The following TRDMT1 variants were observed in gnomAD, a reference collection of about 807,000 sequenced individuals.
The protein encoded by TRDMT1 is tRNA (cytosine(38)-C(5))-methyltransferase.
Under a neutral mutation model 51.2 loss-of-function variants are expected in TRDMT1, and 49 were observed. The observed-to-expected ratio is 0.96, with a 90% CI of 0.76 to 1.21. TRDMT1 has a LOEUF of 1.21. TRDMT1 is among the 50% of genes most tolerant of loss of function. The probability of loss-of-function intolerance (pLI) is 0.00; values close to 1 mark genes in which losing one functional copy is unlikely to be tolerated. For missense variants in TRDMT1, 534 were observed against 462.3 expected (o/e 1.16, Z -1.42); for synonymous variants, 187 against 164.6 (o/e 1.14, Z -1.04).
Position 17,147,408 on chromosome 10 carries a change from G to T in TRDMT1, c.*1632C>A, listed in dbSNP as rs1328016475. 1 of 902,974 alleles carries T rather than the reference G, an allele frequency of 1.1e-6. No homozygotes were observed. Among genetic ancestry groups the T allele is most frequent in the Non-Finnish European group, 1.3e-6 (1 of 754,996 alleles). 55.9% of individuals were successfully genotyped at this position (902,974 alleles called of 1,614,324 possible). On this transcript the variant is annotated 3_prime_UTR_variant, in exon 11 of 11. Transcript: ENST00000377799. The stretch of plus-strand genomic sequence containing the variant: ...TCAATTGCAGTAAAATATACATAAT[G>T]TAAAATTTATCATTTTAACTATTTT...
rs1347410159 is a variant in TRDMT1, at chr10:17,144,548, T to C, written c.*4492A>G. 7 of 985,654 alleles carry C rather than the reference T, an allele frequency of 7.1e-6. No homozygotes were observed. The highest frequency in any genetic ancestry group is 8.4e-6 in the Non-Finnish European group (7 of 829,938). 61.1% of individuals were successfully genotyped at this position (985,654 alleles called of 1,614,324 possible). A position where few individuals can be genotyped will look rare whatever the true frequency, so the allele number is the denominator to read the frequency against. ...AGTAAGTGCTGGATGTGGCTGAAAG[T>C]AAGACTCAGAATCTATGGTAAATAT... On this transcript the variant is annotated 3_prime_UTR_variant, in exon 11 of 11. Transcript: ENST00000377799.
chr10:17,155,003 T>A lies in TRDMT1; in HGVS notation c.888-269A>T, dbSNP rs2131392248. Among the ~76,000 whole-genome samples, 3 of 122,442 alleles carry A rather than the reference T, an allele frequency of 2.5e-5. No individual in the cohort carries two copies. The South Asian group carries it at 7.3e-4, about 30-fold the overall frequency. 80.3% of individuals were successfully genotyped at this position (122,442 alleles called of 152,430 possible). On this transcript the variant is annotated intron_variant, in intron 8 of 10. Coordinates refer to ENST00000377799, the MANE Select transcript of TRDMT1 (RefSeq NM_004412.7). ...GGGAGGCCCAGGCGGGTGGATCACC[T>A]GAGGTCAGAGGAGTTCGAGGTCAGC... is the stretch of plus-strand genomic sequence containing the variant.
chr10:17,201,468 A>C, intron 1 of TRDMT1, 103 bp downstream of exon 1: 1 of 1,273,468 alleles, frequency 7.9e-7, no homozygotes, highest in South Asian at 1.3e-5. Flanking sequence ...TCCGCCCCAC[A>C]GTGTCCGCCC....
chr10:17,195,205 G>A (rs867577962), intron 1 of TRDMT1, among the ~76,000 whole-genome samples: 10 of 152,128 alleles, frequency 6.6e-5, no homozygotes, highest in South Asian at 6.2e-4. Context: ...TAGCAAAGAC[G>A]TGCCCATCAA....
chr10:17,172,729 T>C (rs553900575), intron 2 of TRDMT1, among the ~76,000 whole-genome samples: 31 of 152,298 alleles, frequency 2.0e-4, no homozygotes, highest in Non-Finnish European at 3.8e-4. Context: ...AAAGACTTTG[T>C]GCTTTTTAAA....
At chr10:17,193,365 G>A (rs1310986476) in intron 1 of TRDMT1, among the ~76,000 whole-genome samples, 3 of 151,922 alleles carry the variant, frequency 2.0e-5, no homozygotes, top group Non-Finnish European at 2.9e-5. Context: ...GACGTCAAAC[G>A]ATCTCTCTTT....
At position 17,162,262 on chromosome 10, in the gene TRDMT1, A is replaced by C. The variant is rs575242364; in HGVS notation, c.252-25T>G. 1.0e-3 allele frequency: 1,193 copies of C among 1,138,830 alleles called. 2 individuals are homozygous for C. Among genetic ancestry groups the C allele is most frequent in the African/African-American group, 2.3e-3 (138 of 59,680 alleles). The allele number at this position is 1,138,830 out of a possible 1,614,324, so 70.5% of individuals were successfully genotyped here. A position where few individuals can be genotyped will look rare whatever the true frequency, so the allele number is the denominator to read the frequency against. On this transcript the variant is annotated intron_variant, in intron 3 of 10. Coordinates refer to ENST00000377799, the MANE Select transcript of TRDMT1 (RefSeq NM_004412.7). ...CCTAAAGGGGTAAAAAAAAAAAAAA[A>C]CAAAAAAAAACACAGAAAGTTTATT...
chr10:17,201,552 G>C lies in TRDMT1; in HGVS notation c.64+19C>G. On this transcript the variant is annotated intron_variant, in intron 1 of 10. Transcript: ENST00000377799. The stretch of plus-strand genomic sequence containing the variant: ...CCCCCGTGAGCGAATAGAGAGAGGG[G>C]TGCTAGATGGACTCTCACCTCTCAG... 1 of 1,548,710 alleles carries C rather than the reference G, an allele frequency of 6.5e-7. No individual in the cohort carries two copies. The highest frequency in any genetic ancestry group is 8.7e-7 in the Non-Finnish European group (1 of 1,145,602).
intron 7 of TRDMT1, among the ~76,000 whole-genome samples, chr10:17,158,820 T>C (rs1418673552): frequency 6.6e-6 from 1 of 152,090 alleles, no homozygotes; most frequent in African/African-American, 2.4e-5. Flanking sequence ...AAGGATAAAA[T>C]GATAAATGCA....
chr10:17,201,517 C>G, intron 1 of TRDMT1, 54 bp downstream of exon 1: 2 of 1,524,490 alleles, frequency 1.3e-6, no homozygotes, highest in Non-Finnish European at 1.8e-6. Flanking sequence ...GGCGCGGGTG[C>G]TCCAACCAGC....
At chr10:17,199,667 A>C (rs930794316) in intron 1 of TRDMT1, among the ~76,000 whole-genome samples, 6 of 152,236 alleles carry the variant, frequency 3.9e-5, no homozygotes, top group African/African-American at 1.4e-4. Context: ...CAATCTCAAA[A>C]GCAACCATTT....
chr10:17,177,180 T>TTTTATTTATTTATTTGTTTA (rs1554763688), intron 1 of TRDMT1, among the ~76,000 whole-genome samples: 5 of 141,496 alleles, frequency 3.5e-5, no homozygotes, highest in Non-Finnish European at 7.6e-5. Flanking sequence ...AACACATTTA[T>TTTTATTTATTTATTTGTTTA]TTTATTTATT....
At chr10:17,163,435 T>C (rs529675381) in intron 3 of TRDMT1, among the ~76,000 whole-genome samples, 2 of 151,944 alleles carry the variant, frequency 1.3e-5, no homozygotes, top group East Asian at 3.9e-4. Flanking sequence ...ATCTAAAATT[T>C]ACACCCTAAC....
chr10:17,176,360 G>C (rs1842617153), intron 1 of TRDMT1, among the ~76,000 whole-genome samples: 1 of 152,270 alleles, frequency 6.6e-6, no homozygotes, highest in East Asian at 1.9e-4. Context: ...AAAATGTACA[G>C]TGATGTGCTG....
rs551537217 is a variant in TRDMT1 at position 17,198,221 on chromosome 10, C to T, written c.64+3350G>A. 1.2e-4 allele frequency among the ~76,000 whole-genome samples: 18 copies of T among 152,210 alleles called. No individual in the cohort carries two copies. The South Asian group carries it at 2.9e-3, about 25-fold the overall frequency. ...GTGCTCATGCAATGGAAAATTGTGC[C>T]GCTGCTGCGGAAAACAGGCTGGTGG... On this transcript the variant is annotated intron_variant, in intron 1 of 10. Transcript: ENST00000377799.
intron 3 of TRDMT1, among the ~76,000 whole-genome samples, chr10:17,164,232 G>C (rs1218400830): frequency 1.3e-5 from 2 of 152,174 alleles, no homozygotes; most frequent in Non-Finnish European, 1.5e-5. Flanking sequence ...ATCAATAAAT[G>C]TAATCCAGCA....
chr10:17,157,769 G>A lies in TRDMT1; in HGVS notation c.559C>T (p.Pro187Ser), dbSNP rs777897921. Residue 187 changes from proline to serine, a missense_variant, in exon 8 of 11, where the codon CCC (proline) becomes TCC (serine). Pro to Ser is a moderately conservative substitution (Grantham distance 74). Transcript: ENST00000377799. ...QAPGQVLMEF[P>S]KIESVHPQKY... ...TGTGGATGTACAGATTCAATTTTGGGGAACTCCATCAGTACCTGGCATTAC... is the reference window on the plus strand; with the variant it reads ...TGTGGATGTACAGATTCAATTTTGGAGAACTCCATCAGTACCTGGCATTAC... 2.5e-6 allele frequency: 4 copies of A among 1,592,926 alleles called. No homozygotes were observed. The highest frequency in any genetic ancestry group is 8.5e-7 in the Non-Finnish European group (1 of 1,171,096).
Position 17,162,218 on chromosome 10 carries a change from T to C in TRDMT1, c.271A>G (p.Met91Val). Residue 91 changes from methionine (M) to valine (V), a missense_variant, in exon 4 of 11, where the codon ATG becomes GTG. Physicochemically the swap from Met to Val is conservative, Grantham distance 21. Transcript: ENST00000377799. ...AAGCTATTCGTCCTTGAATCAGTCA[T>C]ATCACCCTGCCGGCCAATCCTAAAG... ...PFTRIGRQGD[M>V]TDSRTNSFLH... is the part of the protein sequence containing the mutation. The C allele has an allele frequency of 6.3e-7, 1 of 1,596,772 alleles. No homozygotes were observed. The highest frequency in any genetic ancestry group is 8.5e-7 in the Non-Finnish European group (1 of 1,174,766).
intron 2 of TRDMT1, among the ~76,000 whole-genome samples, chr10:17,172,976 C>A (rs114325627): frequency 0.028 from 4,302 of 151,816 alleles, 191 homozygotes; most frequent in African/African-American, 0.098. Context: ...GAAAATAAAA[C>A]AAAGATAGAT....
Sources: allele counts gnomAD v4.1 joint callset (sites outside exome capture counted in the v4.1 genomes callset), GRCh38; gene constraint gnomAD v4.1.1; transcripts MANE v1.5; gene names NCBI Gene and HGNC (gene_info 2026-07-23, HGNC 2026-07-21).